Variants in PTPRT observed in about 807,000 individuals in gnomAD.
PTPRT encodes the protein receptor-type tyrosine-protein phosphatase T.
In PTPRT, 56 loss-of-function variants were observed where a neutral mutation model predicts 176.8. The observed-to-expected ratio is 0.32, with a 90% CI of 0.26 to 0.40. The LOEUF is 0.40. Ranked by LOEUF, PTPRT falls within the 10% of genes least tolerant of loss-of-function variation. The pLI is 1.00. For missense variants in PTPRT, 1,540 were observed against 1,908.2 expected, an observed-to-expected ratio of 0.81 and a Z score of 3.60; for synonymous variants, 783 against 739.0, an observed-to-expected ratio of 1.06 and a Z score of -0.96.
intron 11 of PTPRT, among the ~76,000 whole-genome samples, chr20:42,337,941 C>G (rs2058063031): frequency 6.6e-6 from 1 of 152,164 alleles, no homozygotes; most frequent in Non-Finnish European, 1.5e-5. Flanking sequence ...CCACCTCCTT[C>G]CTAAGCTCCC....
intron 15 of PTPRT, among the ~76,000 whole-genome samples, chr20:42,205,778 G>T (rs1369977074): frequency 6.6e-6 from 1 of 152,020 alleles, no homozygotes; most frequent in Non-Finnish European, 1.5e-5. Flanking sequence ...AAACCATGAA[G>T]ATTGAAATCC....
At chr20:42,716,725 A>T (rs907174673) in intron 6 of PTPRT, among the ~76,000 whole-genome samples, 14 of 152,168 alleles carry the variant, frequency 9.2e-5, no homozygotes, top group Admixed American at 3.3e-4. Context: ...TGCTATAAAG[A>T]CACACGCACA....
In PTPRT at chr20:43,173,179, C is replaced by T. The variant is rs148725747; in HGVS notation, c.88+16467G>A. On this transcript the variant is annotated intron_variant, in intron 1 of 30. Coordinates refer to ENST00000373187, the MANE Select transcript of PTPRT (RefSeq NM_007050.6). ...TGACAGAGCAGATGGACTCACCTGC[C>T]CCAGATCTGATTCCATAAGGAAGGA... 7.7e-3 allele frequency among the ~76,000 whole-genome samples: 1,178 copies of T among 152,194 alleles called. 15 individuals are homozygous for T. The highest frequency in any genetic ancestry group is 0.027 in the African/African-American group (1,110 of 41,512).
intron 6 of PTPRT, among the ~76,000 whole-genome samples, chr20:42,752,080 C>G (rs1215517045): frequency 1.3e-5 from 2 of 152,142 alleles, no homozygotes; most frequent in African/African-American, 4.8e-5. Context: ...CGTGTACCAA[C>G]AGAGAACTGG....
At chr20:43,091,028 C>G (rs2146306205) in intron 1 of PTPRT, among the ~76,000 whole-genome samples, 1 of 152,230 alleles carries the variant, frequency 6.6e-6, no homozygotes, top group African/African-American at 2.4e-5. Context: ...GTCAGGAGTT[C>G]AAGACCAACC....
chr20:42,593,603 C>T (rs1450858874), intron 7 of PTPRT, among the ~76,000 whole-genome samples: 1 of 152,196 alleles, frequency 6.6e-6, no homozygotes, highest in African/African-American at 2.4e-5. Context: ...CAACCTTAAA[C>T]TCTCATCGAA....
chr20:43,066,694 G>A (rs1000821130), intron 1 of PTPRT, among the ~76,000 whole-genome samples: 1 of 152,202 alleles, frequency 6.6e-6, no homozygotes, highest in Admixed American at 6.5e-5. Flanking sequence ...GCATAGCACG[G>A]AGTGGTGGAA....
chr20:42,333,968 A>G (rs1341401366), intron 11 of PTPRT, among the ~76,000 whole-genome samples: 1 of 152,226 alleles, frequency 6.6e-6, no homozygotes, highest in East Asian at 1.9e-4. Context: ...GGCATAAGCC[A>G]CCATGCCCGG....
At chr20:42,088,983 C>T (rs1426012505) in intron 27 of PTPRT, among the ~76,000 whole-genome samples, 2 of 152,168 alleles carry the variant, frequency 1.3e-5, no homozygotes, top group African/African-American at 2.4e-5. Flanking sequence ...AAGGATTCTT[C>T]TTATCGCCCC....
intron 2 of PTPRT, among the ~76,000 whole-genome samples, chr20:42,829,068 G>A (rs968936670): frequency 2.6e-5 from 4 of 152,102 alleles, no homozygotes; most frequent in Non-Finnish European, 1.5e-5. Context: ...CCAGAAGGGG[G>A]GCTATACCAT....
chr20:42,269,699 G>T (rs1345712455), intron 13 of PTPRT, among the ~76,000 whole-genome samples: 3 of 152,200 alleles, frequency 2.0e-5, no homozygotes, highest in African/African-American at 7.2e-5. Flanking sequence ...CAGCTCCTTC[G>T]ATGTCTATTA....
chr20:42,494,881 C>T (rs1000406149), intron 7 of PTPRT, among the ~76,000 whole-genome samples: 3 of 152,114 alleles, frequency 2.0e-5, no homozygotes, highest in Middle Eastern at 3.2e-3. Flanking sequence ...CTATAATGAA[C>T]AAATGTTACT....
intron 1 of PTPRT, among the ~76,000 whole-genome samples, chr20:43,169,465 T>G (rs912020467): frequency 4.6e-5 from 7 of 152,202 alleles, no homozygotes; most frequent in Admixed American, 4.6e-4. Context: ...TGAGCTTTCA[T>G]CACTGCTTTT....
intron 7 of PTPRT, among the ~76,000 whole-genome samples, chr20:42,615,288 AG>A (rs1177921622): frequency 7.3e-6 from 1 of 137,322 alleles, no homozygotes; most frequent in Admixed American, 7.0e-5. Flanking sequence ...ATGGCTGCAT[AG>A]TATTCCATGG....
At chr20:42,411,517 CAAAAA>C (rs10591184) in intron 9 of PTPRT, among the ~76,000 whole-genome samples, 1,787 of 88,322 alleles carry the variant, frequency 0.02, 12 homozygotes, top group Non-Finnish European at 0.028. Context: ...AACCCTGTCT[CAAAAA>C]AAAAAAAAAA....
intron 11 of PTPRT, among the ~76,000 whole-genome samples, chr20:42,346,887 C>A (rs1293789667): frequency 6.6e-6 from 1 of 152,196 alleles, no homozygotes; most frequent in Non-Finnish European, 1.5e-5. Flanking sequence ...CGGGCTCACA[C>A]AAGGCAGAGT....
At chr20:42,422,672 A>G (rs2059129228) in intron 9 of PTPRT, among the ~76,000 whole-genome samples, 1 of 152,244 alleles carries the variant, frequency 6.6e-6, no homozygotes, top group South Asian at 2.1e-4. Context: ...CAGAAATACC[A>G]TTCGACCCAG....
chr20:42,102,040 C>T (rs1272999555), intron 26 of PTPRT, 84 bp downstream of exon 26: 8 of 1,501,016 alleles, frequency 5.3e-6, no homozygotes, highest in Admixed American at 1.7e-5. Context: ...GGGGTCAGGG[C>T]CCTGAGGTCC....
At chr20:42,999,631 T>C (rs923016877) in intron 1 of PTPRT, among the ~76,000 whole-genome samples, 4 of 151,194 alleles carry the variant, frequency 2.6e-5, no homozygotes, top group African/African-American at 9.7e-5. Flanking sequence ...GTTGTTGTTG[T>C]TGTGGTGGTT....
Sources: allele counts gnomAD v4.1 joint callset (sites outside exome capture counted in the v4.1 genomes callset), GRCh38; gene constraint gnomAD v4.1.1; transcripts MANE v1.5; gene names NCBI Gene and HGNC (gene_info 2026-07-23, HGNC 2026-07-21).